Variants in JCAD observed in about 807,000 individuals in gnomAD.
JCAD encodes junctional cadherin 5 associated.
A neutral mutation model predicts 98.0 loss-of-function variants in JCAD; 40 were observed. That is an observed-to-expected ratio of 0.41 (90% confidence interval 0.32 to 0.53). The LOEUF (loss-of-function observed/expected upper bound fraction) is 0.53. Among genes scored for constraint, JCAD ranks in the 20% least tolerant of loss-of-function variants. The probability of loss-of-function intolerance (pLI) is 0.31; values close to 1 mark genes in which losing one functional copy is unlikely to be tolerated. For synonymous variants in JCAD, 691 were observed against 682.3 expected (o/e 1.01, Z -0.20); for missense variants, 1,705 against 1,738.1 (o/e 0.98, Z 0.34).
chr10:30,101,878 G>A (rs960770132), intron 1 of JCAD, among the ~76,000 whole-genome samples: 1 of 152,152 alleles, frequency 6.6e-6, no homozygotes, highest in African/African-American at 2.4e-5. Flanking sequence ...TCTACTGTGG[G>A]CAAGGTTCTA....
Position 30,026,811 on chromosome 10 carries a change from C to G in JCAD, c.3337G>C (p.Glu1113Gln). Residue 1113 changes from glutamate (E) to glutamine (Q), a missense_variant, in exon 3 of 4, where the codon GAG becomes CAG. Glu to Gln is a conservative substitution (Grantham distance 29). Coordinates refer to ENST00000375377, the MANE Select transcript of JCAD (RefSeq NM_020848.4). Reference sequence around the variant, plus strand: ...GGGGTGCAGGCACTTGCATCGGGCTCAGCAGGCTGGTTCTGTCCCGCTCTC... The same window carrying G: ...GGGGTGCAGGCACTTGCATCGGGCTGAGCAGGCTGGTTCTGTCCCGCTCTC... ...IRRAGQNQPA[E>Q]PDASACTPES... The G allele has an allele frequency of 1.2e-6, 2 of 1,614,074 alleles. No individual in the cohort carries two copies. The highest frequency in any genetic ancestry group is 1.7e-6 in the Non-Finnish European group (2 of 1,180,032).
At chr10:30,022,759 A>G (rs557475053) in intron 3 of JCAD, among the ~76,000 whole-genome samples, 1 of 152,256 alleles carries the variant, frequency 6.6e-6, no homozygotes, top group African/African-American at 2.4e-5. Flanking sequence ...CAGTGGTCCC[A>G]TAAGATAATA....
intron 2 of JCAD, among the ~76,000 whole-genome samples, chr10:30,044,379 G>A (rs1338140705): frequency 6.6e-6 from 1 of 152,188 alleles, no homozygotes; most frequent in Non-Finnish European, 1.5e-5. Context: ...GGACATGAGT[G>A]GGGTGTTGAG....
Position 30,026,767 on chromosome 10 carries a change from C to G in JCAD, c.3381G>C (p.Glu1127Asp). 6.2e-7 allele frequency: 1 copy of G among 1,614,212 alleles called. No individual in the cohort carries two copies. Among genetic ancestry groups the G allele is most frequent in the South Asian group, 1.1e-5 (1 of 91,088 alleles). The part of the protein sequence containing the change: ...SACTPESPQE[E>D]LLSRPAPADV... ...CTGCCGGTGCTGGGCGAGATAGCAA[C>G]TCTTCCTGGGGGGACTCTGGGGTGC... is the stretch of plus-strand genomic sequence containing the variant. Residue 1127 changes from glutamate (E) to aspartate (D), a missense_variant, in exon 3 of 4, where the codon GAG becomes GAC. By Grantham distance (45) the Glu-to-Asp change is conservative. Around this residue, in one of 3 missense-constraint regions of JCAD, gnomAD observed 1,278 missense variants for 1,243.1 expected, o/e 1.03. Coordinates refer to ENST00000375377, the MANE Select transcript of JCAD (RefSeq NM_020848.4).
chr10:30,068,685 G>A (rs957600506), intron 2 of JCAD, among the ~76,000 whole-genome samples: 13 of 152,156 alleles, frequency 8.5e-5, no homozygotes, highest in African/African-American at 3.1e-4. Flanking sequence ...AACAGCCAAG[G>A]TTACTCACAC....
At chr10:30,107,366 A>T (rs578162855) in intron 1 of JCAD, among the ~76,000 whole-genome samples, 1 of 152,184 alleles carries the variant, frequency 6.6e-6, no homozygotes, top group East Asian at 1.9e-4. Flanking sequence ...GCTGCTCATT[A>T]TATGCTAATT....
At chr10:30,025,263 A>G (rs1336471219) in intron 3 of JCAD, among the ~76,000 whole-genome samples, 1 of 151,632 alleles carries the variant, frequency 6.6e-6, no homozygotes, top group East Asian at 2.0e-4. Flanking sequence ...CACGCCTGTA[A>G]TCCTGGCACT....
chr10:30,038,024 A>T (rs1218977748), intron 2 of JCAD, among the ~76,000 whole-genome samples: 1 of 151,406 alleles, frequency 6.6e-6, no homozygotes, highest in East Asian at 1.9e-4. Flanking sequence ...TTAAACTCTG[A>T]CGGCTAGAAA....
At chr10:30,077,549 A>G (rs2132678085) in intron 1 of JCAD, among the ~76,000 whole-genome samples, 1 of 152,326 alleles carries the variant, frequency 6.6e-6, no homozygotes. Context: ...ACTTTGTATC[A>G]TCCCAAACAG....
intron 3 of JCAD, among the ~76,000 whole-genome samples, chr10:30,021,415 G>A (rs1836657746): frequency 6.6e-6 from 1 of 152,076 alleles, no homozygotes; most frequent in African/African-American, 2.4e-5. Flanking sequence ...GCCCAGGCTG[G>A]TTTTGGGCTC....
chr10:30,069,148 T>C (rs990988363), intron 2 of JCAD, among the ~76,000 whole-genome samples: 38 of 152,338 alleles, frequency 2.5e-4, no homozygotes, highest in African/African-American at 8.9e-4. Context: ...GACAGGTAGA[T>C]GAAACATGTC....
At chr10:30,093,625 C>T (rs1046841559) in intron 1 of JCAD, among the ~76,000 whole-genome samples, 2 of 152,218 alleles carry the variant, frequency 1.3e-5, no homozygotes, top group African/African-American at 4.8e-5. Flanking sequence ...TCTAGCCCCC[C>T]GCATGTGGCT....
At chr10:30,023,424 G>A (rs1589676305) in intron 3 of JCAD, among the ~76,000 whole-genome samples, 1 of 152,312 alleles carries the variant, frequency 6.6e-6, no homozygotes, top group African/African-American at 2.4e-5. Flanking sequence ...GTAACAGGCT[G>A]TACAGGTTTG....
chr10:30,031,796 C>G (rs1224596388), intron 2 of JCAD, among the ~76,000 whole-genome samples: 1 of 135,614 alleles, frequency 7.4e-6, no homozygotes, highest in Non-Finnish European at 1.6e-5. Context: ...GCTCTGTCGC[C>G]CAGGCTGGAG....
rs188764359 is a variant in JCAD, at chr10:30,029,369, G to C, written c.779C>G (p.Pro260Arg). The C allele has an allele frequency of 1.2e-6, 2 of 1,614,092 alleles. No individual in the cohort carries two copies. The highest frequency in any genetic ancestry group is 3.3e-5 in the Admixed American group (2 of 60,010). The change falls in exon 3 of 4, where the codon CCG becomes CGG. Residue 260 changes from proline (P) to arginine (R), a missense_variant. Physicochemically the swap from Pro to Arg is moderately radical, Grantham distance 103. Coordinates refer to ENST00000375377, the MANE Select transcript of JCAD (RefSeq NM_020848.4). Reference protein sequence around the residue: ...LNERHSPKMPPYPPTCAPNLD... With the variant: ...LNERHSPKMPRYPPTCAPNLD... ...ATTTGGTGCGCAAGTGGGAGGATAC[G>C]GTGGCATTTTAGGTGAATGTCTTTC...
At chr10:30,040,194 G>A (rs1837212594) in intron 2 of JCAD, among the ~76,000 whole-genome samples, 1 of 152,140 alleles carries the variant, frequency 6.6e-6, no homozygotes, top group African/African-American at 2.4e-5. Flanking sequence ...GAGTGACGTA[G>A]CTGACTGTCA....
intron 2 of JCAD, among the ~76,000 whole-genome samples, chr10:30,034,449 G>A (rs111916818): frequency 1.2e-4 from 18 of 152,080 alleles, no homozygotes; most frequent in African/African-American, 2.2e-4. Flanking sequence ...TCTTAACACC[G>A]GGCACGGTAG....
chr10:30,066,513 T>C (rs1837786575), intron 2 of JCAD, among the ~76,000 whole-genome samples: 1 of 152,080 alleles, frequency 6.6e-6, no homozygotes, highest in Admixed American at 6.6e-5. Context: ...AGGAGGCCTC[T>C]TGAGCGGTGG....
At chr10:30,106,475 T>C (rs559377219) in intron 1 of JCAD, among the ~76,000 whole-genome samples, 2 of 151,884 alleles carry the variant, frequency 1.3e-5, no homozygotes, top group Non-Finnish European at 2.9e-5. Flanking sequence ...CCTGTAGAAC[T>C]TTGTCACTGT....
Sources: gnomAD v4.1 joint callset for allele counts (sites outside exome capture counted in the v4.1 genomes callset) on GRCh38, gnomAD v4.1.1 for gene constraint, gnomAD v4.1.1 regional missense constraint, MANE v1.5 for transcripts, NCBI Gene and HGNC (gene_info 2026-07-23, HGNC 2026-07-21) for gene names.